The following PTPRD variants were observed in gnomAD, a reference collection of about 807,000 sequenced individuals.
PTPRD encodes the protein receptor-type tyrosine-protein phosphatase delta.
PTPRD carries 34 observed loss-of-function variants against 214.5 expected under a neutral mutation model. The ratio of observed to expected loss-of-function variants is 0.16; its 90% CI spans 0.12 to 0.21. PTPRD has a LOEUF of 0.21. Ranked by LOEUF, PTPRD falls within the 10% of genes least tolerant of loss-of-function variation. The pLI is 1.00. For synonymous variants in PTPRD, 1,128 were observed against 845.7 expected (o/e 1.33, Z -5.79); for missense variants, 2,545 against 2,398.7 (o/e 1.06, Z -1.27).
intron 3 of PTPRD, among the ~76,000 whole-genome samples, chr9:10,231,536 G>C (rs2099609791): frequency 6.6e-6 from 1 of 151,922 alleles, no homozygotes; most frequent in Admixed American, 6.6e-5. Context: ...TTGGGATGGG[G>C]GTGGAGATGG....
intron 2 of PTPRD, among the ~76,000 whole-genome samples, chr9:10,416,536 T>C (rs879234264): frequency 1.3e-5 from 2 of 151,830 alleles, no homozygotes; most frequent in Admixed American, 1.3e-4. Context: ...AAAGCATGTG[T>C]TACTAAAAAA....
At chr9:10,313,397 T>TACACACACAC (rs60788124) in intron 3 of PTPRD, among the ~76,000 whole-genome samples, 24 of 148,450 alleles carry the variant, frequency 1.6e-4, no homozygotes, top group African/African-American at 3.0e-4. Flanking sequence ...AGGTACAGAT[T>TACACACACAC]ACACACACAC....
intron 13 of PTPRD, among the ~76,000 whole-genome samples, 170 bp from the exon 14 acceptor site, chr9:8,633,628 T>C (rs190331808): frequency 4.6e-5 from 7 of 152,166 alleles, no homozygotes; most frequent in Admixed American, 3.3e-4. Flanking sequence ...ATTTAGTGAA[T>C]CTTCTACTGA....
chr9:9,680,663 T>C (rs1157781293), intron 7 of PTPRD, among the ~76,000 whole-genome samples: 2 of 151,700 alleles, frequency 1.3e-5, no homozygotes, highest in Admixed American at 6.6e-5. Flanking sequence ...CTTGGAGGTG[T>C]GATTGCCTAA....
chr9:9,220,468 T>C (rs1452177853), intron 9 of PTPRD, among the ~76,000 whole-genome samples: 1 of 152,108 alleles, frequency 6.6e-6, no homozygotes, highest in African/African-American at 2.4e-5. Flanking sequence ...AACCTTGTTT[T>C]AATTTGCCTC....
At chr9:8,463,270 A>G (rs947548566) in intron 32 of PTPRD, among the ~76,000 whole-genome samples, 1 of 149,750 alleles carries the variant, frequency 6.7e-6, no homozygotes, top group African/African-American at 2.5e-5. Context: ...CAAGAAGATA[A>G]AAACTCAGTA....
intron 3 of PTPRD, among the ~76,000 whole-genome samples, chr9:10,158,183 G>A (rs1592702361): frequency 1.3e-5 from 2 of 151,942 alleles, no homozygotes; most frequent in South Asian, 4.2e-4. Flanking sequence ...AATTTTTTGT[G>A]TTTTTAGTAG....
chr9:8,905,284 T>C (rs1042053807), intron 11 of PTPRD, among the ~76,000 whole-genome samples: 3 of 152,072 alleles, frequency 2.0e-5, no homozygotes, highest in African/African-American at 2.4e-5. Context: ...TTCATAGATA[T>C]GTATAAACTT....
intron 3 of PTPRD, among the ~76,000 whole-genome samples, chr9:10,255,701 A>G (rs1444163144): frequency 1.3e-5 from 2 of 152,186 alleles, no homozygotes; most frequent in Admixed American, 6.5e-5. Context: ...TAAACTTTTT[A>G]GTTTTTAGAT....
At chr9:9,777,806 G>A (rs563248341) in intron 5 of PTPRD, among the ~76,000 whole-genome samples, 1 of 152,126 alleles carries the variant, frequency 6.6e-6, no homozygotes, top group East Asian at 1.9e-4. Flanking sequence ...ATTATAATCA[G>A]TAAAATGCAT....
intron 10 of PTPRD, among the ~76,000 whole-genome samples, chr9:9,082,194 T>C (rs1021743745): frequency 1.1e-3 from 162 of 152,166 alleles, no homozygotes; most frequent in Non-Finnish European, 1.8e-4. Context: ...TGAACATCGA[T>C]GCAAAAATCC....
At chr9:8,474,453 T>C (rs1008617658) in intron 30 of PTPRD, among the ~76,000 whole-genome samples, 1 of 152,166 alleles carries the variant, frequency 6.6e-6, no homozygotes, top group Admixed American at 6.6e-5. Context: ...CCACTCTACC[T>C]TAGCTGAAAT....
At position 8,421,196 on chromosome 9, in the gene PTPRD, G is replaced by A. The variant is rs1254029627; in HGVS notation, c.4086+15396C>T. Among the ~76,000 whole-genome samples, 8 of 152,142 alleles carry A rather than the reference G, an allele frequency of 5.3e-5. No homozygotes were observed. The South Asian group carries it at 1.7e-3, about 32-fold the overall frequency. ...ATGCTTGGAAAGTGGGAGATGCAAAGAGCAAACTAGACTCCTCCTTCTTTC... is the reference window on the plus strand; with the variant it reads ...ATGCTTGGAAAGTGGGAGATGCAAAAAGCAAACTAGACTCCTCCTTCTTTC... On this transcript the variant is annotated intron_variant, in intron 35 of 45. Transcript: ENST00000381196.
intron 14 of PTPRD, among the ~76,000 whole-genome samples, chr9:8,608,617 C>T (rs2095328763): frequency 6.6e-6 from 1 of 152,192 alleles, no homozygotes; most frequent in African/African-American, 2.4e-5. Context: ...TCTGAATTAA[C>T]TGTCCACATA....
intron 11 of PTPRD, among the ~76,000 whole-genome samples, chr9:8,938,393 A>G (rs2099011242): frequency 6.6e-6 from 1 of 152,176 alleles, no homozygotes; most frequent in Non-Finnish European, 1.5e-5. Flanking sequence ...CATTTAATGT[A>G]AGAGATGTGA....
At chr9:9,347,844 G>T (rs1317932891) in intron 9 of PTPRD, among the ~76,000 whole-genome samples, 1 of 152,066 alleles carries the variant, frequency 6.6e-6, no homozygotes. Flanking sequence ...ATGACTGGAA[G>T]AATTCAAATC....
chr9:8,808,980 A>T (rs1446697324), intron 11 of PTPRD, among the ~76,000 whole-genome samples: 1 of 152,174 alleles, frequency 6.6e-6, no homozygotes, highest in Non-Finnish European at 1.5e-5. Flanking sequence ...AAGCAAAAAA[A>T]AAGTAGCCAC....
At chr9:9,963,207 T>A (rs1024141097) in intron 4 of PTPRD, among the ~76,000 whole-genome samples, 1 of 152,102 alleles carries the variant, frequency 6.6e-6, no homozygotes, top group Non-Finnish European at 1.5e-5. Flanking sequence ...AAAATCCTTG[T>A]CAAATTCAGG....
intron 3 of PTPRD, among the ~76,000 whole-genome samples, chr9:10,041,786 T>A (rs901323838): frequency 2.0e-5 from 3 of 152,172 alleles, no homozygotes; most frequent in Non-Finnish European, 4.4e-5. Flanking sequence ...AAGAAAAAAT[T>A]CATTTCTTAA....
Sources: allele counts gnomAD v4.1 joint callset (sites outside exome capture counted in the v4.1 genomes callset), GRCh38; gene constraint gnomAD v4.1.1; transcripts MANE v1.5; gene names NCBI Gene and HGNC (gene_info 2026-07-23, HGNC 2026-07-21).